The following TRPS1 variants were observed in gnomAD, a reference collection of about 807,000 sequenced individuals.
TRPS1 encodes zinc finger transcription factor Trps1.
In TRPS1, 6 loss-of-function variants were observed where a neutral mutation model predicts 101.2. The observed-to-expected ratio is 0.06, with a 90% CI of 0.03 to 0.12. TRPS1 has a LOEUF of 0.12. TRPS1 is among the 10% of genes least tolerant of loss of function. TRPS1 has a pLI of 1.00. For missense variants in TRPS1, 1,363 were observed against 1,567.0 expected (o/e 0.87, Z 2.20); for synonymous variants, 578 against 589.8 (o/e 0.98, Z 0.29).
At chr8:115,461,400 A>G (rs1814173861) in intron 5 of TRPS1, among the ~76,000 whole-genome samples, 1 of 152,110 alleles carries the variant, frequency 6.6e-6, no homozygotes, top group Non-Finnish European at 1.5e-5. Context: ...AGATAGATAG[A>G]CCATCAATTA....
chr8:115,519,364 A>C (rs1815800617), intron 5 of TRPS1, among the ~76,000 whole-genome samples: 1 of 151,656 alleles, frequency 6.6e-6, no homozygotes, highest in African/African-American at 2.4e-5. Context: ...TTTTTAATTA[A>C]TTTTGAAATC....
chr8:115,579,520 C>T (rs552436272), intron 5 of TRPS1, among the ~76,000 whole-genome samples: 1 of 152,152 alleles, frequency 6.6e-6, no homozygotes, highest in South Asian at 2.1e-4. Context: ...TTATCACTTC[C>T]TTCACACAAA....
intron 3 of TRPS1, among the ~76,000 whole-genome samples, chr8:115,606,445 A>G (rs1434922829): frequency 6.6e-6 from 1 of 152,224 alleles, no homozygotes. Flanking sequence ...ATAGGATCTT[A>G]CAGAAGTTTT....
At chr8:115,548,421 T>A (rs1326302988) in intron 5 of TRPS1, among the ~76,000 whole-genome samples, 2 of 152,058 alleles carry the variant, frequency 1.3e-5, no homozygotes, top group Non-Finnish European at 2.9e-5. Flanking sequence ...CACCGCAACC[T>A]CTGCCTCCCA....
At chr8:115,590,348 G>A (rs1223664218) in intron 4 of TRPS1, among the ~76,000 whole-genome samples, 1 of 152,100 alleles carries the variant, frequency 6.6e-6, no homozygotes, top group Non-Finnish European at 1.5e-5. Flanking sequence ...CATATTTGTG[G>A]TTCCTTGACA....
At chr8:115,497,042 G>A (rs566073551) in intron 5 of TRPS1, among the ~76,000 whole-genome samples, 1 of 152,268 alleles carries the variant, frequency 6.6e-6, no homozygotes, top group South Asian at 2.1e-4. Context: ...GAAAATGAAG[G>A]TTAAAAAATA....
Position 115,587,296 on chromosome 8 carries a change from A to T in TRPS1, c.2405T>A (p.Leu802His), listed in dbSNP as rs1318230506. 5 of 1,614,200 alleles carry T rather than the reference A, an allele frequency of 3.1e-6. No homozygotes were observed. Among genetic ancestry groups the T allele is most frequent in the Non-Finnish European group, 4.2e-6 (5 of 1,180,026 alleles). The change falls in exon 5 of 7, where the codon CTT becomes CAT. Residue 802 changes from leucine to histidine, a missense_variant. Leu to His is a moderately conservative substitution (Grantham distance 99, BLOSUM62 -3). Coordinates refer to ENST00000395715, the MANE Select transcript of TRPS1 (RefSeq NM_014112.5). Reference protein sequence around the residue: ...KVWTESSSDDLRNVTWRGADI... With the variant: ...KVWTESSSDDHRNVTWRGADI... ...TGCCCCTCTCCAAGTCACATTGCGA[A>T]GGTCATCACTGGAACTCTCGGTCCA... is the stretch of plus-strand genomic sequence containing the variant.
intron 3 of TRPS1, among the ~76,000 whole-genome samples, chr8:115,613,325 G>A (rs945807048): frequency 1.6e-4 from 25 of 152,170 alleles, no homozygotes; most frequent in African/African-American, 5.8e-4. Context: ...AGCTTAGTAA[G>A]TTCAAATAAG....
chr8:115,571,921 A>T (rs1435764908), intron 5 of TRPS1, among the ~76,000 whole-genome samples: 1 of 151,964 alleles, frequency 6.6e-6, no homozygotes, highest in Non-Finnish European at 1.5e-5. Context: ...TTTTTTATTT[A>T]TATCTGAATA....
chr8:115,605,117 T>C (rs1226305706), intron 3 of TRPS1, 115 bp from the exon 4 acceptor site: 17 of 901,852 alleles, frequency 1.9e-5, no homozygotes, highest in Admixed American at 6.4e-5. Context: ...ACAATAGTAC[T>C]CCTGCTTATT....
At chr8:115,644,012 T>C (rs954747157) in intron 1 of TRPS1, among the ~76,000 whole-genome samples, 1 of 152,190 alleles carries the variant, frequency 6.6e-6, no homozygotes, top group Non-Finnish European at 1.5e-5. Flanking sequence ...TTCCAAGTAG[T>C]AGGTCTCAAC....
intron 5 of TRPS1, among the ~76,000 whole-genome samples, chr8:115,463,224 T>G (rs758864791): frequency 8.5e-5 from 13 of 152,166 alleles, no homozygotes; most frequent in Non-Finnish European, 1.9e-4. Context: ...TCACAGAGCT[T>G]AGGTGGAAAC....
intron 5 of TRPS1, among the ~76,000 whole-genome samples, chr8:115,518,922 A>G (rs1436246766): frequency 6.6e-6 from 1 of 151,832 alleles, no homozygotes; most frequent in Non-Finnish European, 1.5e-5. Flanking sequence ...CTTGCCTTTT[A>G]CAATTGTCAA....
At chr8:115,478,985 A>G (rs1432372107) in intron 5 of TRPS1, among the ~76,000 whole-genome samples, 1 of 149,922 alleles carries the variant, frequency 6.7e-6, no homozygotes, top group Non-Finnish European at 1.5e-5. Flanking sequence ...ATATATATGT[A>G]TATATGTATT....
At chr8:115,616,604 G>T (rs1818281721) in intron 3 of TRPS1, among the ~76,000 whole-genome samples, 1 of 150,824 alleles carries the variant, frequency 6.6e-6, no homozygotes, top group Non-Finnish European at 1.5e-5. Context: ...TAAAAAGCAA[G>T]TTTAATTGAA....
chr8:115,593,647 G>C (rs1817727483), intron 4 of TRPS1, among the ~76,000 whole-genome samples: 2 of 152,102 alleles, frequency 1.3e-5, no homozygotes, highest in Non-Finnish European at 1.5e-5. Context: ...TAAAAGTTTA[G>C]TCATTGTGAA....
intron 5 of TRPS1, among the ~76,000 whole-genome samples, chr8:115,562,058 G>A (rs985818450): frequency 3.3e-5 from 5 of 152,002 alleles, no homozygotes; most frequent in South Asian, 2.1e-4. Context: ...ACATCAAGAC[G>A]ATAGCAGTAA....
At chr8:115,574,732 G>A (rs1358426427) in intron 5 of TRPS1, among the ~76,000 whole-genome samples, 1 of 111,136 alleles carries the variant, frequency 9.0e-6, no homozygotes, top group Non-Finnish European at 1.7e-5. Context: ...TTTGAAGGCA[G>A]TTAAATCCCA....
At chr8:115,562,604 A>C (rs928740823) in intron 5 of TRPS1, among the ~76,000 whole-genome samples, 1 of 152,042 alleles carries the variant, frequency 6.6e-6, no homozygotes, top group Non-Finnish European at 1.5e-5. Flanking sequence ...GTTTTAAAAC[A>C]ATTTTAAGAC....
Sources: gnomAD v4.1 joint callset for allele counts (sites outside exome capture counted in the v4.1 genomes callset) on GRCh38, gnomAD v4.1.1 for gene constraint, MANE v1.5 for transcripts, NCBI Gene and HGNC (gene_info 2026-07-23, HGNC 2026-07-21) for gene names.